The following FOXP1 variants were observed in gnomAD, a reference collection of about 807,000 sequenced individuals.
FOXP1 encodes the protein forkhead box P1, also known as forkhead box protein P1.
In FOXP1, 15 loss-of-function variants were observed where a neutral mutation model predicts 98.2. The ratio of observed to expected loss-of-function variants is 0.15; its 90% CI spans 0.10 to 0.24. The LOEUF is 0.24. Ranked by LOEUF, FOXP1 falls within the 10% of genes least tolerant of loss-of-function variation. The probability of loss-of-function intolerance (pLI) is 1.00; values close to 1 mark genes in which losing one functional copy is unlikely to be tolerated. For missense variants in FOXP1, 633 were observed against 848.5 expected (o/e 0.75, Z 3.15); for synonymous variants, 371 against 314.5 (o/e 1.18, Z -1.90).
intron 5 of FOXP1, among the ~76,000 whole-genome samples, chr3:71,262,858 C>T (rs1252374116): frequency 2.6e-5 from 4 of 152,220 alleles, no homozygotes; most frequent in African/African-American, 9.6e-5. Flanking sequence ...TCCTCACTTA[C>T]ATGATCTGAC....
chr3:71,364,842 C>T (rs2078808835), intron 3 of FOXP1, among the ~76,000 whole-genome samples: 1 of 152,186 alleles, frequency 6.6e-6, no homozygotes, highest in African/African-American at 2.4e-5. Flanking sequence ...TAACTGTTAA[C>T]TAATTAATGT....
intron 5 of FOXP1, among the ~76,000 whole-genome samples, chr3:71,237,733 A>C (rs1191291923): frequency 6.6e-6 from 1 of 152,260 alleles, no homozygotes; most frequent in Non-Finnish European, 1.5e-5. Flanking sequence ...ATACGTGTAC[A>C]TGGGGATATG....
intron 4 of FOXP1, among the ~76,000 whole-genome samples, chr3:71,309,243 A>C (rs540725391): frequency 6.6e-6 from 1 of 152,294 alleles, no homozygotes; most frequent in South Asian, 2.1e-4. Context: ...ATTTTGCAAA[A>C]ATTCTTTCCC....
At chr3:71,468,282 G>T (rs935375064) in intron 3 of FOXP1, among the ~76,000 whole-genome samples, 1 of 152,124 alleles carries the variant, frequency 6.6e-6, no homozygotes, top group African/African-American at 2.4e-5. Context: ...CTAAGTCATT[G>T]CTTGGCTTCA....
intron 13 of FOXP1, among the ~76,000 whole-genome samples, chr3:71,000,495 G>A (rs1361038526): frequency 1.3e-5 from 2 of 152,012 alleles, no homozygotes; most frequent in Non-Finnish European, 2.9e-5. Flanking sequence ...CTGCCTTGCC[G>A]TCTTGGTCTC....
chr3:71,582,782 G>A lies in FOXP1; in HGVS notation c.-447+789C>T, dbSNP rs1420834738. 6.1e-6 allele frequency: 6 copies of A among 985,250 alleles called. No individual in the cohort carries two copies. The Admixed American group carries it at 3.7e-4, about 61-fold the overall frequency. The allele number at this position is 985,250 out of a possible 1,614,324, so 61.0% of individuals were successfully genotyped here. On this transcript the variant is annotated intron_variant, in intron 1 of 20. Transcript: ENST00000649528. ...CGTAGGGGTGCGTGTCTGGCTGGGG[G>A]TGCGCAGGTGCGTGTTTGAATTTTC...
intron 2 of FOXP1, among the ~76,000 whole-genome samples, chr3:71,543,962 CTG>C (rs975352588): frequency 2.7e-5 from 4 of 150,516 alleles, no homozygotes; most frequent in Non-Finnish European, 3.0e-5. Flanking sequence ...TATGCTGTGC[CTG>C]TGTGTGTTTA....
chr3:71,115,242 TGAA>T (rs1259266548), intron 6 of FOXP1, among the ~76,000 whole-genome samples: 3 of 151,948 alleles, frequency 2.0e-5, no homozygotes, highest in Admixed American at 1.3e-4. Context: ...AACAAAGTAA[TGAA>T]GACTCTATAT....
chr3:71,257,603 A>C (rs1045900172), intron 5 of FOXP1, among the ~76,000 whole-genome samples: 1 of 148,422 alleles, frequency 6.7e-6, no homozygotes, highest in Non-Finnish European at 1.5e-5. Flanking sequence ...AAAAAAAAAA[A>C]TGCAGAATGG....
At chr3:71,121,317 T>A (rs2058749653) in intron 6 of FOXP1, among the ~76,000 whole-genome samples, 1 of 147,498 alleles carries the variant, frequency 6.8e-6, no homozygotes, top group East Asian at 2.2e-4. Flanking sequence ...GAAAGGCACG[T>A]ACAGGATACT....
At chr3:71,359,044 A>G (rs1352828478) in intron 4 of FOXP1, 106 bp downstream of exon 4, 2 of 152,180 alleles carry the variant, frequency 1.3e-5, no homozygotes, top group African/African-American at 4.8e-5. Context: ...GATAATTAGA[A>G]AGGCCATTAT....
intron 2 of FOXP1, among the ~76,000 whole-genome samples, chr3:71,524,724 CTA>C (rs2043242017): frequency 6.6e-6 from 1 of 152,208 alleles, no homozygotes; most frequent in Non-Finnish European, 1.5e-5. Flanking sequence ...AAAGCAACGA[CTA>C]TTAACAATGC....
intron 5 of FOXP1, among the ~76,000 whole-genome samples, chr3:71,291,712 A>ATT (rs11438381): frequency 0.024 from 2,991 of 125,166 alleles, 118 homozygotes; most frequent in African/African-American, 0.064. Flanking sequence ...CTTATTCTGT[A>ATT]TTTTTTTTTT....
rs574145065 is a variant in FOXP1, at chr3:71,246,005, C to T, written c.-11-47613G>A. On this transcript the variant is annotated intron_variant, in intron 5 of 20. Transcript: ENST00000649528. Reference sequence around the variant, plus strand: ...TCACTTAGTACGAAAACCACCCCCCCCCCACCACAAAGCAGTGAGTGAAAC... The same window carrying T: ...TCACTTAGTACGAAAACCACCCCCCTCCCACCACAAAGCAGTGAGTGAAAC... 1.8e-4 allele frequency among the ~76,000 whole-genome samples: 28 copies of T among 151,964 alleles called. 1 individual carries two copies. The South Asian group carries it at 5.6e-3, about 31-fold the overall frequency.
intron 7 of FOXP1, among the ~76,000 whole-genome samples, chr3:71,099,853 A>C (rs954026863): frequency 1.3e-5 from 2 of 152,200 alleles, no homozygotes; most frequent in African/African-American, 4.8e-5. Flanking sequence ...GTCCAGTGTA[A>C]AAGATCCTGT....
intron 3 of FOXP1, among the ~76,000 whole-genome samples, chr3:71,455,831 T>G (rs533660463): frequency 6.6e-6 from 1 of 152,348 alleles, no homozygotes; most frequent in Admixed American, 6.5e-5. Context: ...GACAGCCACA[T>G]GCAAACTGAT....
At chr3:71,322,364 G>A (rs1469396008) in intron 4 of FOXP1, among the ~76,000 whole-genome samples, 1 of 152,202 alleles carries the variant, frequency 6.6e-6, no homozygotes, top group Non-Finnish European at 1.5e-5. Context: ...GCCACATGTG[G>A]CAATCAGCTA....
In FOXP1 at chr3:70,954,746, T is replaced by C. The variant is rs1436113312; in HGVS notation, c.*4501A>G. 9 of 228,232 alleles carry C rather than the reference T, an allele frequency of 3.9e-5. No individual in the cohort carries two copies. In the East Asian group the frequency reaches 5.6e-4, roughly 14 times the overall value. 14.1% of individuals were successfully genotyped at this position (228,232 alleles called of 1,614,324 possible). A position where few individuals can be genotyped will look rare whatever the true frequency, so the allele number is the denominator to read the frequency against. ...GTGAACAACCAGCATTTTTATTGCA[T>C]TTGAGAATGCTTATAATGTCAGTAA... On this transcript the variant is annotated 3_prime_UTR_variant, in exon 21 of 21. Transcript: ENST00000649528.
At chr3:71,540,426 C>T (rs2044704851) in intron 2 of FOXP1, among the ~76,000 whole-genome samples, 1 of 152,188 alleles carries the variant, frequency 6.6e-6, no homozygotes, top group Admixed American at 6.5e-5. Context: ...AACCAATCTA[C>T]AGGAGAAAAA....
Sources: allele counts gnomAD v4.1 joint callset (sites outside exome capture counted in the v4.1 genomes callset), GRCh38; gene constraint gnomAD v4.1.1; transcripts MANE v1.5; gene names NCBI Gene and HGNC (gene_info 2026-07-23, HGNC 2026-07-21).